Variants in PCDH11Y observed in about 807,000 individuals in gnomAD.
The protein encoded by PCDH11Y is protocadherin-11 Y-linked.
For missense variants in PCDH11Y, 12 were observed against 224.8 expected, an observed-to-expected ratio of 0.05 and a Z score of 6.05; for synonymous variants, 9 against 83.6, an observed-to-expected ratio of 0.11 and a Z score of 4.87.
chrY:5,258,834 G>T, intron 2 of PCDH11Y, among the ~76,000 whole-genome samples: 18 of 33,284 alleles, frequency 5.4e-4, no homozygotes, highest in Admixed American at 3.3e-3. Context: ...CTATAGTGCA[G>T]ATTAAGTCAG....
chrY:5,039,337 G>T (rs1359199873), intron 3 of PCDH11Y, among the ~76,000 whole-genome samples: 363 of 33,048 alleles, frequency 0.011, no homozygotes, highest in Non-Finnish European at 2.3e-3. Context: ...GGGTTGTCAG[G>T]TTATATAAAG....
At chrY:5,023,764 T>C (rs2052574229) in intron 1 of PCDH11Y, among the ~76,000 whole-genome samples, 1 of 33,638 alleles carries the variant, frequency 3.0e-5, no homozygotes, top group African/African-American at 1.2e-4. Context: ...GCACATAATT[T>C]AGATCAATTA....
intron 2 of PCDH11Y, among the ~76,000 whole-genome samples, chrY:5,494,029 T>A: frequency 3.0e-5 from 1 of 33,701 alleles, no homozygotes; most frequent in Non-Finnish European, 7.4e-5. Context: ...TATTAGATAG[T>A]CAAGGTGCTT....
chrY:5,334,938 G>A, intron 2 of PCDH11Y, among the ~76,000 whole-genome samples: 1 of 29,688 alleles, frequency 3.4e-5, no homozygotes, highest in Non-Finnish European at 8.1e-5. Flanking sequence ...AGATTTATTT[G>A]CCAAAATTAA....
intron 3 of PCDH11Y, among the ~76,000 whole-genome samples, chrY:5,511,577 A>C: frequency 3.1e-5 from 1 of 32,179 alleles, no homozygotes; most frequent in African/African-American, 1.2e-4. Context: ...AAGATCCCAT[A>C]ATGCCCAACA....
intron 2 of PCDH11Y, among the ~76,000 whole-genome samples, chrY:5,239,718 C>T (rs2052986211): frequency 4.0e-4 from 13 of 32,324 alleles, no homozygotes; most frequent in Admixed American, 3.7e-3. Flanking sequence ...GCTTTGAAAT[C>T]TTTTTTTTTA....
At chrY:5,721,171 C>T in intron 4 of PCDH11Y, among the ~76,000 whole-genome samples, 1 of 32,257 alleles carries the variant, frequency 3.1e-5, no homozygotes, top group Non-Finnish European at 7.5e-5. Flanking sequence ...AGAGCAGTGG[C>T]ACACATATAT....
chrY:5,105,120 TAG>T (rs2052787172), downstream of PCDH11Y: 1 of 79,762 alleles, frequency 1.3e-5, no homozygotes, highest in Non-Finnish European at 1.7e-5. Context: ...CGGGCGCCTG[TAG>T]TCCCAGCTAC....
downstream of PCDH11Y, among the ~76,000 whole-genome samples, chrY:5,108,691 G>C (rs2052799188): frequency 4.1e-5 from 1 of 24,234 alleles, no homozygotes; most frequent in African/African-American, 1.7e-4. Flanking sequence ...AGCCTGCAGT[G>C]AGCCGAGATG....
chrY:5,061,813 T>C, intron 1 of PCDH11Y, among the ~76,000 whole-genome samples: 1 of 33,130 alleles, frequency 3.0e-5, no homozygotes, highest in Non-Finnish European at 7.5e-5. Context: ...CCTTCCCTTG[T>C]TTCTACCCAT....
intron 2 of PCDH11Y, among the ~76,000 whole-genome samples, chrY:5,495,592 CAG>C: frequency 3.0e-5 from 1 of 33,258 alleles, no homozygotes; most frequent in Non-Finnish European, 7.4e-5. Context: ...TCTTTCTAAT[CAG>C]AGTTACTGGT....
intron 2 of PCDH11Y, among the ~76,000 whole-genome samples, chrY:5,410,037 T>TTG (rs747569793): frequency 0.067 from 1,751 of 26,017 alleles, no homozygotes; most frequent in African/African-American, 0.35. Context: ...ACAGGTGTGT[T>TTG]TGTGTGTGTG....
chrY:5,396,995 G>A, intron 2 of PCDH11Y, among the ~76,000 whole-genome samples: 1 of 32,626 alleles, frequency 3.1e-5, no homozygotes, highest in Non-Finnish European at 7.5e-5. Context: ...GACCTCAGGT[G>A]AGCTGCCTGC....
intron 4 of PCDH11Y, among the ~76,000 whole-genome samples, chrY:5,585,573 G>A: frequency 3.1e-5 from 1 of 32,207 alleles, no homozygotes; most frequent in Admixed American, 2.9e-4. Flanking sequence ...TGAAGCAGCC[G>A]TTTCATTTAC....
chrY:5,617,120 C>T, intron 4 of PCDH11Y, among the ~76,000 whole-genome samples: 1 of 33,232 alleles, frequency 3.0e-5, no homozygotes, highest in Non-Finnish European at 7.5e-5. Context: ...TTGCTATGCC[C>T]TTATTTGTTT....
intron 4 of PCDH11Y, among the ~76,000 whole-genome samples, chrY:5,653,570 G>A: frequency 6.1e-5 from 2 of 32,812 alleles, no homozygotes; most frequent in Admixed American, 2.8e-4. Flanking sequence ...GAAAAAAAGC[G>A]TAAAAATAAA....
chrY:5,174,106 A>C, intron 2 of PCDH11Y, among the ~76,000 whole-genome samples: 1 of 23,296 alleles, frequency 4.3e-5, no homozygotes, highest in Admixed American at 4.7e-4. Flanking sequence ...TGTGGTATAT[A>C]TATATATAAA....
At chrY:5,622,943 C>T in intron 4 of PCDH11Y, 1 of 100,272 alleles carries the variant, frequency 1.0e-5, no homozygotes, top group Non-Finnish European at 2.2e-5. Context: ...CTAATGGATG[C>T]CGGGCTTAAT....
intron 2 of PCDH11Y, among the ~76,000 whole-genome samples, chrY:5,297,336 G>T: frequency 3.0e-5 from 1 of 32,979 alleles, no homozygotes; most frequent in Non-Finnish European, 7.5e-5. Context: ...CTGGGGTAGG[G>T]GGTGGCATGG....
Sources: gnomAD v4.1 joint callset for allele counts (sites outside exome capture counted in the v4.1 genomes callset) on GRCh38, gnomAD v4.1.1 for gene constraint, MANE v1.5 for transcripts, NCBI Gene and HGNC (gene_info 2026-07-23, HGNC 2026-07-21) for gene names.